Variants in SLC9A9 observed in about 807,000 individuals in gnomAD.
SLC9A9 encodes sodium/hydrogen exchanger 9.
A neutral mutation model predicts 77.8 loss-of-function variants in SLC9A9; 62 were observed. That is an observed-to-expected ratio of 0.80 (90% CI 0.65 to 0.98). The LOEUF is 0.98. Among genes scored for constraint, SLC9A9 ranks in the 50% least tolerant of loss-of-function variants. The pLI is 0.00. For synonymous variants in SLC9A9, 320 were observed against 283.5 expected, an observed-to-expected ratio of 1.13 and a Z score of -1.29; for missense variants, 775 against 774.9, an observed-to-expected ratio of 1.00 and a Z score of 0.00.
intron 6 of SLC9A9, among the ~76,000 whole-genome samples, chr3:143,647,912 T>C (rs2038730951): frequency 6.6e-6 from 1 of 152,186 alleles, no homozygotes; most frequent in African/African-American, 2.4e-5. Context: ...GGAAATCACG[T>C]GTAAAAATGG....
intron 2 of SLC9A9, among the ~76,000 whole-genome samples, chr3:143,803,023 A>T (rs180688151): frequency 6.6e-6 from 1 of 152,148 alleles, no homozygotes. Context: ...CCATATGAAC[A>T]CACCCTAGCT....
At chr3:143,367,207 T>C (rs1490371007) in intron 13 of SLC9A9, among the ~76,000 whole-genome samples, 2 of 152,256 alleles carry the variant, frequency 1.3e-5, no homozygotes, top group African/African-American at 4.8e-5. Flanking sequence ...ATACATTAGG[T>C]AGTATTTTGG....
intron 9 of SLC9A9, among the ~76,000 whole-genome samples, chr3:143,546,176 T>A (rs749428670): frequency 1.5e-4 from 23 of 152,352 alleles, no homozygotes; most frequent in Non-Finnish European, 2.8e-4. Context: ...TTTATTTGAA[T>A]TTTCAGAGTC....
intron 1 of SLC9A9, among the ~76,000 whole-genome samples, chr3:143,840,290 T>C (rs2009674998): frequency 6.6e-6 from 1 of 152,112 alleles, no homozygotes; most frequent in African/African-American, 2.4e-5. Flanking sequence ...TCAAAACCCA[T>C]ACCATCTTGG....
chr3:143,592,384 C>T (rs1001228616), intron 6 of SLC9A9, among the ~76,000 whole-genome samples: 2 of 152,172 alleles, frequency 1.3e-5, no homozygotes, highest in African/African-American at 4.8e-5. Context: ...GAGCAAGACC[C>T]TGTCTCAACA....
intron 9 of SLC9A9, among the ~76,000 whole-genome samples, chr3:143,539,628 A>C (rs1165206350): frequency 6.6e-6 from 1 of 152,216 alleles, no homozygotes; most frequent in African/African-American, 2.4e-5. Flanking sequence ...CAGGATGATA[A>C]AACTGTAATG....
chr3:143,742,919 T>C (rs1935108489), intron 4 of SLC9A9, among the ~76,000 whole-genome samples: 1 of 152,148 alleles, frequency 6.6e-6, no homozygotes, highest in African/African-American at 2.4e-5. Flanking sequence ...ACATAAAATA[T>C]ATTATTTAAA....
intron 2 of SLC9A9, among the ~76,000 whole-genome samples, chr3:143,798,835 G>A (rs182362423): frequency 3.9e-5 from 6 of 151,966 alleles, no homozygotes; most frequent in East Asian, 1.9e-4. Flanking sequence ...TTTCCCTCCC[G>A]CCTGTCCCCT....
chr3:143,407,818 A>G (rs2034010932), intron 12 of SLC9A9, among the ~76,000 whole-genome samples: 1 of 152,230 alleles, frequency 6.6e-6, no homozygotes, highest in Admixed American at 6.5e-5. Context: ...ATGCATACTC[A>G]TTACCTGAGG....
intron 14 of SLC9A9, among the ~76,000 whole-genome samples, chr3:143,281,706 G>A (rs1331575737): frequency 6.6e-6 from 1 of 152,186 alleles, no homozygotes. Flanking sequence ...CCTGTGTTTT[G>A]TCAATAGGCC....
chr3:143,659,081 T>A (rs1247544624), intron 5 of SLC9A9, among the ~76,000 whole-genome samples: 1 of 152,252 alleles, frequency 6.6e-6, no homozygotes, highest in East Asian at 1.9e-4. Flanking sequence ...ATGCCCAGTA[T>A]CTGAGTGACG....
intron 14 of SLC9A9, among the ~76,000 whole-genome samples, chr3:143,283,919 T>C (rs937562684): frequency 6.6e-6 from 1 of 152,178 alleles, no homozygotes; most frequent in Non-Finnish European, 1.5e-5. Flanking sequence ...GATCCTTTGG[T>C]TAAATAAAAC....
chr3:143,368,460 T>A (rs2032965652), intron 13 of SLC9A9, among the ~76,000 whole-genome samples: 1 of 152,236 alleles, frequency 6.6e-6, no homozygotes, highest in South Asian at 2.1e-4. Flanking sequence ...CTAAGTGAAC[T>A]GGATGAACTC....
chr3:143,720,393 T>C (rs1266351179), intron 4 of SLC9A9, among the ~76,000 whole-genome samples: 1 of 152,200 alleles, frequency 6.6e-6, no homozygotes, highest in African/African-American at 2.4e-5. Context: ...TCTTCTATTC[T>C]TTTCCTGCCA....
chr3:143,728,135 G>C (rs1033103094), intron 4 of SLC9A9, among the ~76,000 whole-genome samples: 3 of 152,184 alleles, frequency 2.0e-5, no homozygotes, highest in African/African-American at 7.2e-5. Flanking sequence ...CAACTATTCT[G>C]GGTGAGGCAC....
intron 1 of SLC9A9, among the ~76,000 whole-genome samples, chr3:143,838,844 T>A (rs567851053): frequency 4.6e-5 from 7 of 152,302 alleles, no homozygotes; most frequent in African/African-American, 1.7e-4. Context: ...ACCAAATCAG[T>A]GAATAACATT....
chr3:143,834,571 CTTT>C (rs5853131), intron 1 of SLC9A9, among the ~76,000 whole-genome samples: 9 of 116,942 alleles, frequency 7.7e-5, no homozygotes, highest in Non-Finnish European at 1.0e-4. Context: ...GCGAGGCACT[CTTT>C]TTTTTTTTTT....
intron 6 of SLC9A9, among the ~76,000 whole-genome samples, chr3:143,650,976 C>T (rs1409748763): frequency 2.0e-5 from 3 of 152,180 alleles, no homozygotes; most frequent in South Asian, 2.1e-4. Flanking sequence ...CTGGTTGTGT[C>T]GGCATGATTC....
chr3:143,835,802 G>A (rs939118213), intron 1 of SLC9A9, among the ~76,000 whole-genome samples: 1 of 152,194 alleles, frequency 6.6e-6, no homozygotes, highest in African/African-American at 2.4e-5. Context: ...CTTGCTGGAG[G>A]AGGAAAGAAG....
Sources: gnomAD v4.1 joint callset for allele counts (sites outside exome capture counted in the v4.1 genomes callset) on GRCh38, gnomAD v4.1.1 for gene constraint, MANE v1.5 for transcripts, NCBI Gene and HGNC (gene_info 2026-07-23, HGNC 2026-07-21) for gene names.